EPHB1: variants seen among roughly 807,000 people sequenced by gnomAD.
The protein encoded by EPHB1 is EPH receptor B1, also known as ephrin type-B receptor 1.
In EPHB1, 30 loss-of-function variants were observed where a neutral mutation model predicts 94.4. That is an observed-to-expected ratio of 0.32 (90% CI 0.24 to 0.43). EPHB1 has a LOEUF of 0.43. EPHB1 is among the 20% of genes least tolerant of loss of function. The pLI, the probability that EPHB1 is intolerant of heterozygous loss-of-function variation, is 1.00. For synonymous variants in EPHB1, 522 were observed against 489.1 expected, an observed-to-expected ratio of 1.07 and a Z score of -0.89; for missense variants, 1,055 against 1,308.3, an observed-to-expected ratio of 0.81 and a Z score of 2.99.
chr3:134,979,589 A>G (rs1415870540), intron 3 of EPHB1, among the ~76,000 whole-genome samples: 2 of 152,226 alleles, frequency 1.3e-5, no homozygotes, highest in South Asian at 2.1e-4. Context: ...GGGAGTTACT[A>G]CAGATGGCCC....
At chr3:134,938,523 C>T (rs1393512090) in intron 2 of EPHB1, among the ~76,000 whole-genome samples, 1 of 152,216 alleles carries the variant, frequency 6.6e-6, no homozygotes, top group African/African-American at 2.4e-5. Flanking sequence ...ACCTCAGCTG[C>T]CTGCACTTAC....
At chr3:135,166,824 C>T (rs1559858784) in intron 8 of EPHB1, 118 bp from the exon 9 acceptor site, 14 of 1,036,332 alleles carry the variant, frequency 1.4e-5, no homozygotes, top group Non-Finnish European at 2.0e-5. Context: ...TGCCCAGTCC[C>T]TAATCCTGGG....
chr3:135,064,573 T>A (rs1204145466), intron 3 of EPHB1, among the ~76,000 whole-genome samples: 12 of 152,184 alleles, frequency 7.9e-5, no homozygotes, highest in Admixed American at 7.2e-4. Context: ...ATTGAGGTTA[T>A]TTGGATTATC....
At chr3:135,017,814 C>G (rs1380409971) in intron 3 of EPHB1, among the ~76,000 whole-genome samples, 2 of 152,162 alleles carry the variant, frequency 1.3e-5, no homozygotes, top group African/African-American at 2.4e-5. Context: ...AGGACTGTGT[C>G]TTTTCACTGG....
intron 1 of EPHB1, among the ~76,000 whole-genome samples, chr3:134,875,985 C>A (rs937891869): frequency 3.3e-5 from 5 of 152,266 alleles, no homozygotes; most frequent in Admixed American, 2.6e-4. Context: ...ACTTTCAATT[C>A]ATAATTCAGC....
At chr3:134,987,869 T>A (rs1576297246) in intron 3 of EPHB1, among the ~76,000 whole-genome samples, 1 of 152,150 alleles carries the variant, frequency 6.6e-6, no homozygotes, top group Non-Finnish European at 1.5e-5. Flanking sequence ...ACAGCCCTGC[T>A]GATACCTTGA....
intron 1 of EPHB1, among the ~76,000 whole-genome samples, chr3:134,874,354 G>A (rs188270633): frequency 1.6e-4 from 24 of 152,120 alleles, no homozygotes; most frequent in South Asian, 1.5e-3. Context: ...AACAAACACC[G>A]GGGCCTATTG....
At chr3:135,029,260 G>T in intron 3 of EPHB1, among the ~76,000 whole-genome samples, 1 of 150,136 alleles carries the variant, frequency 6.7e-6, no homozygotes, top group Admixed American at 6.7e-5. Context: ...ATTTGATCCT[G>T]TCATTATGAT....
intron 5 of EPHB1, among the ~76,000 whole-genome samples, chr3:135,145,226 CTGTGTTGCAAAT>C (rs1292461143): frequency 6.6e-6 from 1 of 152,214 alleles, no homozygotes; most frequent in Admixed American, 6.5e-5. Flanking sequence ...CACAGTTCAT[CTGTGTTGCAAAT>C]TGTTCTTCTT....
At chr3:135,035,172 G>A (rs1346212340) in intron 3 of EPHB1, among the ~76,000 whole-genome samples, 1 of 152,186 alleles carries the variant, frequency 6.6e-6, no homozygotes, top group Non-Finnish European at 1.5e-5. Context: ...CTGCCCACAC[G>A]AAGTGGGGAT....
At chr3:134,968,902 A>G (rs141368896) in intron 3 of EPHB1, among the ~76,000 whole-genome samples, 136 of 152,314 alleles carry the variant, frequency 8.9e-4, no homozygotes, top group African/African-American at 3.1e-3. Flanking sequence ...GTTGCTTTTA[A>G]TTGCTGAGTA....
At chr3:134,942,019 G>T (rs2039129385) in intron 2 of EPHB1, among the ~76,000 whole-genome samples, 2 of 152,176 alleles carry the variant, frequency 1.3e-5, no homozygotes, top group African/African-American at 4.8e-5. Flanking sequence ...TTATCTCAAG[G>T]ACAGGTGATC....
At chr3:134,991,191 C>T (rs1028464647) in intron 3 of EPHB1, among the ~76,000 whole-genome samples, 1 of 152,180 alleles carries the variant, frequency 6.6e-6, no homozygotes, top group African/African-American at 2.4e-5. Flanking sequence ...GGTAATTCCT[C>T]CTTGACTCTG....
At chr3:134,817,049 G>A (rs2036286217) in intron 1 of EPHB1, among the ~76,000 whole-genome samples, 1 of 152,118 alleles carries the variant, frequency 6.6e-6, no homozygotes, top group Non-Finnish European at 1.5e-5. Context: ...CAGGGACTAG[G>A]GTAAGAAGAA....
At chr3:134,814,863 G>A (rs757322632) in intron 1 of EPHB1, among the ~76,000 whole-genome samples, 1 of 152,354 alleles carries the variant, frequency 6.6e-6, no homozygotes, top group Non-Finnish European at 1.5e-5. Flanking sequence ...TCACCACTCG[G>A]TGTGTGGCCT....
chr3:135,102,165 A>C (rs548196590), intron 3 of EPHB1, among the ~76,000 whole-genome samples: 40 of 152,348 alleles, frequency 2.6e-4, no homozygotes, highest in Admixed American at 1.7e-3. Context: ...GAAAGTGCTG[A>C]AATGTGTTTG....
Position 135,184,979 on chromosome 3 carries a change from C to G in EPHB1, c.1882+4997C>G, listed in dbSNP as rs144208013. Among the ~76,000 whole-genome samples the G allele has an allele frequency of 5.8e-4, 88 of 152,304 alleles. 1 individual carries two copies. In the East Asian group the frequency reaches 0.013, roughly 23 times the overall value. On this transcript the variant is annotated intron_variant, in intron 10 of 15. Coordinates refer to ENST00000398015, the MANE Select transcript of EPHB1 (RefSeq NM_004441.5). ...TGGCACTCCTGGGTGCAGTGTGAAA[C>G]CTGTATAACTGTATGCAACAGCCTA...
At chr3:135,030,599 G>A (rs571584163) in intron 3 of EPHB1, among the ~76,000 whole-genome samples, 10 of 152,330 alleles carry the variant, frequency 6.6e-5, no homozygotes, top group East Asian at 1.9e-4. Context: ...CTCCAGCTGC[G>A]TCCTGGGAGA....
chr3:134,878,633 G>A (rs1467823682), intron 1 of EPHB1, among the ~76,000 whole-genome samples: 1 of 152,220 alleles, frequency 6.6e-6, no homozygotes, highest in African/African-American at 2.4e-5. Context: ...TGATTATAGA[G>A]ATAGACAATT....
Sources: allele counts gnomAD v4.1 joint callset (sites outside exome capture counted in the v4.1 genomes callset), GRCh38; gene constraint gnomAD v4.1.1; transcripts MANE v1.5; gene names NCBI Gene and HGNC (gene_info 2026-07-23, HGNC 2026-07-21).